SLC22A6: variants seen among roughly 807,000 people sequenced by gnomAD.
The protein encoded by SLC22A6 is PAH transporter.
Under a neutral mutation model 56.7 loss-of-function variants are expected in SLC22A6, and 45 were observed. The observed-to-expected ratio is 0.79, with a 90% CI of 0.63 to 1.02. SLC22A6 has a LOEUF of 1.02. SLC22A6 is among the 50% of genes least tolerant of loss of function. SLC22A6 has a pLI of 0.00. For missense variants in SLC22A6, 606 were observed against 713.8 expected, an observed-to-expected ratio of 0.85 and a Z score of 1.72; for synonymous variants, 291 against 295.9, an observed-to-expected ratio of 0.98 and a Z score of 0.17.
intron 3 of SLC22A6, among the ~76,000 whole-genome samples, chr11:62,982,354 G>A (rs954221089): frequency 2.1e-4 from 32 of 152,114 alleles, no homozygotes; most frequent in African/African-American, 7.7e-4. Context: ...CTCAGCTATG[G>A]GCTGGATTCC....
chr11:62,978,430 C>T (rs940775714), intron 8 of SLC22A6, among the ~76,000 whole-genome samples: 25 of 151,516 alleles, frequency 1.6e-4, no homozygotes, highest in Admixed American at 5.9e-4. Flanking sequence ...TTATTGCAAC[C>T]TCCGCCTCCC....
rs1436310708 is a variant in SLC22A6, at chr11:62,983,683, C to T, written c.482G>A (p.Arg161His). The change falls in exon 3 of 10, where the codon CGC becomes CAC. Residue 161 changes from arginine (R) to histidine (H), a missense_variant. Arg to His is a conservative substitution (Grantham distance 29). Transcript: ENST00000360421. This position sits in a 1 kb window ranked among gnomAD's most constrained non-coding sequence, Gnocchi z 4.5. The stretch of plus-strand genomic sequence containing the variant: ...GTAGTTCAAGATGAGTACCTTCCGG[C>T]GGCCTAGCCTGTGGGAGGAGGGGAG... ...VFGYLADRLG[R>H]RKVLILNYLQ... The T allele has an allele frequency of 4.4e-6, 7 of 1,608,260 alleles. No homozygotes were observed. Among genetic ancestry groups the T allele is most frequent in the East Asian group, 4.5e-5 (2 of 44,794 alleles).
intron 1 of SLC22A6, 23 bp downstream of exon 1, chr11:62,984,299 G>T: frequency 6.2e-7 from 1 of 1,609,578 alleles, no homozygotes; most frequent in Non-Finnish European, 8.5e-7. Flanking sequence ...TTGGCCCCTG[G>T]ATGGGGAGCC....
chr11:62,979,293 A>T lies in SLC22A6; in HGVS notation c.1361+195T>A, dbSNP rs542510945. On this transcript the variant is annotated intron_variant, in intron 8 of 9. Coordinates refer to ENST00000360421, the MANE Select transcript of SLC22A6 (RefSeq NM_153276.3). Reference sequence around the variant, plus strand: ...ATCTTCTAGGGTCCCGTAAGGGCTTAGAGGACAGTAACACCTGTGTTAGCT... The same window carrying T: ...ATCTTCTAGGGTCCCGTAAGGGCTTTGAGGACAGTAACACCTGTGTTAGCT... Among the ~76,000 whole-genome samples, 13 of 152,314 alleles carry T rather than the reference A, an allele frequency of 8.5e-5. No individual in the cohort carries two copies. In the South Asian group the frequency reaches 2.7e-3, roughly 32 times the overall value.
At position 62,976,802 on chromosome 11, in the gene SLC22A6, C is replaced by A. The variant is rs371714911; in HGVS notation, c.1645G>T (p.Gly549Ter). 85 of 1,613,010 alleles carry A rather than the reference C, an allele frequency of 5.3e-5. No individual in the cohort carries two copies. The highest frequency in any genetic ancestry group is 6.7e-5 in the Non-Finnish European group (79 of 1,179,584). ...PLQASAQEKN[G>*]L Reference sequence around the variant, plus strand: ...AGGCCCCTTCTCAGTCCTCAGAGTCCATTCTTCTCTTGTGCTGAGGCCTGC... The same window carrying A: ...AGGCCCCTTCTCAGTCCTCAGAGTCAATTCTTCTCTTGTGCTGAGGCCTGC... Residue 549 changes from glycine (G) to a stop codon, truncating the protein, a stop_gained, in exon 10 of 10, where the codon GGA becomes TGA. Transcript: ENST00000360421. LOFTEE classifies it high-confidence loss of function.
At position 62,984,613 on chromosome 11, in the gene SLC22A6, G is replaced by A. The variant is rs895523684; in HGVS notation, c.78C>T (p.Leu26=). Reference sequence around the variant, plus strand: ...TGTGAGAAGCCATCAGGAGCAGGGGGAGGACCACCAGGGTGACCTGGATCT... The same window carrying A: ...TGTGAGAAGCCATCAGGAGCAGGGGAAGGACCACCAGGGTGACCTGGATCT... ...FQQIQVTLVV[L]PLLLMASHNT... is the part of the protein sequence containing the mutation. Residue 26 remains leucine (L), a synonymous_variant, in exon 1 of 10, where the codon CTC becomes CTT. Coordinates refer to ENST00000360421, the MANE Select transcript of SLC22A6 (RefSeq NM_153276.3). 6.2e-7 allele frequency: 1 copy of A among 1,613,622 alleles called. No homozygotes were observed. Among genetic ancestry groups the A allele is most frequent in the African/African-American group, 1.3e-5 (1 of 75,036 alleles).
Position 62,981,926 on chromosome 11 carries a change from G to C in SLC22A6, c.713C>G (p.Ala238Gly). Residue 238 changes from alanine to glycine, a missense_variant, in exon 4 of 10, where the codon GCT (alanine) becomes GGT (glycine). Coordinates refer to ENST00000360421, the MANE Select transcript of SLC22A6 (RefSeq NM_153276.3). ...YVYSLGQFLL[A>G]GVAYAVPHWR... The stretch of plus-strand genomic sequence containing the variant: ...GTGGGGCACAGCGTAGGCCACACCA[G>C]CCAGGAGGAACTGGCCCAGGCTGTA... 6.2e-7 allele frequency: 1 copy of C among 1,614,146 alleles called. No individual in the cohort carries two copies. The highest frequency in any genetic ancestry group is 8.5e-7 in the Non-Finnish European group (1 of 1,179,988).
Position 62,984,782 on chromosome 11 carries a change from G to A in SLC22A6, c.-92C>T. 7.1e-7 allele frequency: 1 copy of A among 1,404,706 alleles called. No homozygotes were observed. Among genetic ancestry groups the A allele is most frequent in the Non-Finnish European group, 9.5e-7 (1 of 1,050,372 alleles). 87.0% of individuals were successfully genotyped at this position (1,404,706 alleles called of 1,614,324 possible). ...CTGCCTGCTGTCCTTCGCTGGAGGA[G>A]CAGCACTGCCGTTGCCTCCGCAGCT... On this transcript the variant is annotated 5_prime_UTR_variant, in exon 1 of 10. Coordinates refer to ENST00000360421, the MANE Select transcript of SLC22A6 (RefSeq NM_153276.3).
Position 62,976,772 on chromosome 11 carries a change from C to A in SLC22A6, c.*22G>T. On this transcript the variant is annotated 3_prime_UTR_variant, in exon 10 of 10. Transcript: ENST00000360421. ...TAGGACCTTCCCTCCCTTTAGGGTT[C>A]TGTAAGGCCCCTTCTCAGTCCTCAG... 6.3e-7 allele frequency: 1 copy of A among 1,598,336 alleles called. No individual in the cohort carries two copies. The highest frequency in any genetic ancestry group is 8.5e-7 in the Non-Finnish European group (1 of 1,169,624).
rs2135095391 is a variant in SLC22A6 at position 62,981,029 on chromosome 11, G to A, written c.993C>T (p.Arg331=). ...KGQASAMELL[R]CPTLRHLFLC... ...GGAAGAGGTGGCGGAGGGTGGGGCA[G>A]CGCAGCAGCTCCATGGCCGATGCCT... Residue 331 remains arginine (R), a synonymous_variant, in exon 6 of 10, where the codon CGC becomes CGT. Coordinates refer to ENST00000360421, the MANE Select transcript of SLC22A6 (RefSeq NM_153276.3). 6.2e-7 allele frequency: 1 copy of A among 1,611,506 alleles called. No homozygotes were observed. The highest frequency in any genetic ancestry group is 2.2e-5 in the East Asian group (1 of 44,802).
chr11:62,978,500 A>G (rs1367357617), intron 8 of SLC22A6, among the ~76,000 whole-genome samples: 1 of 151,452 alleles, frequency 6.6e-6, no homozygotes, highest in Non-Finnish European at 1.5e-5. Context: ...GGTGTGTGCC[A>G]CTATGCCCAG....
In SLC22A6 at chr11:62,979,766, A is replaced by C; in HGVS notation, c.1220T>G (p.Ile407Ser). 6.2e-7 allele frequency: 1 copy of C among 1,614,194 alleles called. No individual in the cohort carries two copies. The highest frequency in any genetic ancestry group is 1.3e-5 in the African/African-American group (1 of 75,060). Residue 407 changes from isoleucine to serine, a missense_variant, in exon 7 of 10, where the codon ATC becomes AGC. Transcript: ENST00000360421. The part of the protein sequence containing the change: ...AQMAALLLAG[I>S]CILLNGVIPQ... Reference sequence around the variant, plus strand: ...TATCACCCCATTGAGCAGGATGCAGATGCCTGCCAGCAGCAGTGCAGCCAT... The same window carrying C: ...TATCACCCCATTGAGCAGGATGCAGCTGCCTGCCAGCAGCAGTGCAGCCAT...
chr11:62,977,020 C>T, intron 9 of SLC22A6, 139 bp from the exon 10 acceptor site: 1 of 1,504,300 alleles, frequency 6.6e-7, no homozygotes, highest in Non-Finnish European at 9.1e-7. Flanking sequence ...CTCCCTGGAG[C>T]TGGGATCCCC....
rs746609046 is a variant in SLC22A6 at position 62,981,104 on chromosome 11, CTGGGACCGGCAGAGCTCAGGGCCCGGGA to C, written c.922-32_922-5del. On this transcript the variant is annotated splice_polypyrimidine_tract_variant and splice_region_variant and intron_variant, in intron 5 of 9. Transcript: ENST00000360421. ...TCTGCAGACTGGCCCGGAGTACCTG[CTGGGACCGGCAGAGCTCAGGGCCCGGGA>C]TCCTCCCAAGGAGCTCCTCCCAGCC... The C allele has an allele frequency of 6.2e-7, 1 of 1,610,996 alleles. No homozygotes were observed. Among genetic ancestry groups the C allele is most frequent in the Non-Finnish European group, 8.5e-7 (1 of 1,178,044 alleles).
intron 8 of SLC22A6, among the ~76,000 whole-genome samples, chr11:62,979,139 A>G (rs191826002): frequency 6.6e-6 from 1 of 152,338 alleles, no homozygotes; most frequent in East Asian, 1.9e-4. Context: ...CTTGGTTTAT[A>G]GATGGAATGT....
At position 62,983,189 on chromosome 11, in the gene SLC22A6, C is replaced by T. The variant is rs536990943; in HGVS notation, c.628+348G>A. 2.0e-5 allele frequency among the ~76,000 whole-genome samples: 3 copies of T among 152,214 alleles called. No homozygotes were observed. Among genetic ancestry groups the T allele is most frequent in the South Asian group, 2.1e-4 (1 of 4,816 alleles). On this transcript the variant is annotated intron_variant, in intron 3 of 9. Coordinates refer to ENST00000360421, the MANE Select transcript of SLC22A6 (RefSeq NM_153276.3). The surrounding 1 kb of genome is among the most constrained non-coding windows in gnomAD (Gnocchi z 4.5). ...CCTCCCGAGTAGCTGGGACTACAGG[C>T]GCCTGCCATCACACCTGGCTAATTT... is the stretch of plus-strand genomic sequence containing the variant.
chr11:62,983,864 G>A lies in SLC22A6; in HGVS notation c.473+80C>T. Reference sequence around the variant, plus strand: ...AACCAGCGCCGGCTGGCAATGCCAAGCTCCCACCTAGACACCCTGAGCCCA... The same window carrying A: ...AACCAGCGCCGGCTGGCAATGCCAAACTCCCACCTAGACACCCTGAGCCCA... On this transcript the variant is annotated intron_variant, in intron 2 of 9. Coordinates refer to ENST00000360421, the MANE Select transcript of SLC22A6 (RefSeq NM_153276.3). The surrounding 1 kb of genome is among the most constrained non-coding windows in gnomAD (Gnocchi z 4.5). 1 of 1,238,960 alleles carries A rather than the reference G, an allele frequency of 8.1e-7. No homozygotes were observed. The highest frequency in any genetic ancestry group is 1.1e-6 in the Non-Finnish European group (1 of 879,832). 76.7% of individuals were successfully genotyped at this position (1,238,960 alleles called of 1,614,324 possible).
Position 62,982,022 on chromosome 11 carries a change from G to A in SLC22A6, c.629-12C>T, listed in dbSNP as rs11568622. The A allele has an allele frequency of 4.6e-3, 7,476 of 1,610,856 alleles. 301 individuals carry two copies. The African/African-American group carries it at 0.089, about 19-fold the overall frequency. On this transcript the variant is annotated splice_polypyrimidine_tract_variant and intron_variant, in intron 3 of 9. Coordinates refer to ENST00000360421, the MANE Select transcript of SLC22A6 (RefSeq NM_153276.3). ...CATCCACTCCACATCTGGAAAGAGG[G>A]TTAAGACAGGATGCTGCAACTACCT...
rs1349649836 is a variant in SLC22A6 at position 62,983,617 on chromosome 11, G to C, written c.548C>G (p.Pro183Arg). Residue 183 changes from proline (P) to arginine (R), a missense_variant, in exon 3 of 10, where the codon CCC (proline) becomes CGC (arginine). Coordinates refer to ENST00000360421, the MANE Select transcript of SLC22A6 (RefSeq NM_153276.3). The surrounding 1 kb of genome is among the most constrained non-coding windows in gnomAD (Gnocchi z 4.5). Reference sequence around the variant, plus strand: ...GAAGGCGCAGTAGATGGGGAAGTTGGGTGCGAAGGCTGCGCAGGTCCCTGA... The same window carrying C: ...GAAGGCGCAGTAGATGGGGAAGTTGCGTGCGAAGGCTGCGCAGGTCCCTGA... Reference protein sequence around the residue: ...AVSGTCAAFAPNFPIYCAFRL... With the variant: ...AVSGTCAAFARNFPIYCAFRL... 1 of 1,607,812 alleles carries C rather than the reference G, an allele frequency of 6.2e-7. No homozygotes were observed. Among genetic ancestry groups the C allele is most frequent in the Non-Finnish European group, 8.5e-7 (1 of 1,177,386 alleles).
Sources: gnomAD v4.1 joint callset for allele counts (sites outside exome capture counted in the v4.1 genomes callset) on GRCh38, gnomAD v4.1.1 for gene constraint, Gnocchi (gnomAD v3.1) non-coding constraint, MANE v1.5 for transcripts, NCBI Gene and HGNC (gene_info 2026-07-23, HGNC 2026-07-21) for gene names.